The following CLVS1 variants were observed in gnomAD, a reference collection of about 807,000 sequenced individuals.
The protein encoded by CLVS1 is clavesin 1, also known as clavesin-1.
A neutral mutation model predicts 33.1 loss-of-function variants in CLVS1; 10 were observed. The observed-to-expected ratio is 0.30, with a 90% CI of 0.19 to 0.51. The LOEUF is 0.51. Among genes scored for constraint, CLVS1 ranks in the 20% least tolerant of loss-of-function variants. The pLI, the probability that CLVS1 is intolerant of heterozygous loss-of-function variation, is 0.97. For missense variants in CLVS1, 343 were observed against 433.4 expected (o/e 0.79, Z 1.85); for synonymous variants, 163 against 166.1 (o/e 0.98, Z 0.14).
chr8:61,162,212 A>C (rs1470252467), intron 2 of CLVS1, among the ~76,000 whole-genome samples: 1 of 152,194 alleles, frequency 6.6e-6, no homozygotes, highest in Non-Finnish European at 1.5e-5. Context: ...CTTCTCCCCT[A>C]TGAAGAAGAT....
intron 2 of CLVS1, among the ~76,000 whole-genome samples, chr8:61,211,078 G>T (rs1453995905): frequency 2.0e-5 from 3 of 152,188 alleles, no homozygotes; most frequent in African/African-American, 7.2e-5. Flanking sequence ...CATGTACAAT[G>T]CAGTGAAGAG....
chr8:61,013,278 G>T, the CLVS1 span, among the ~76,000 whole-genome samples: 1 of 152,172 alleles, frequency 6.6e-6, no homozygotes. Flanking sequence ...AAATAAAGAT[G>T]GAGAGAGCAG....
upstream of CLVS1, among the ~76,000 whole-genome samples, chr8:61,055,376 C>A (rs563430890): frequency 1.3e-5 from 2 of 152,160 alleles, no homozygotes; most frequent in African/African-American, 4.8e-5. Flanking sequence ...TCTGGCAGGC[C>A]GTGGTTGTTT....
chr8:61,308,290 A>G (rs1186919491), intron 2 of CLVS1, among the ~76,000 whole-genome samples: 4 of 152,158 alleles, frequency 2.6e-5, no homozygotes, highest in African/African-American at 9.7e-5. Flanking sequence ...AAGCAATATG[A>G]CTCATCAATG....
intron 5 of CLVS1, among the ~76,000 whole-genome samples, chr8:61,473,725 G>T (rs1817815875): frequency 6.6e-6 from 1 of 152,176 alleles, no homozygotes; most frequent in African/African-American, 2.4e-5. Flanking sequence ...AAGATCTGAT[G>T]ATCAAGTGGA....
chr8:61,286,294 C>A (rs1377341901), upstream of CLVS1, among the ~76,000 whole-genome samples: 1 of 152,210 alleles, frequency 6.6e-6, no homozygotes, highest in South Asian at 2.1e-4. Flanking sequence ...TGTGGGCAAG[C>A]CTCAGGATAT....
At chr8:61,021,550 C>T in the CLVS1 span, among the ~76,000 whole-genome samples, 12 of 147,654 alleles carry the variant, frequency 8.1e-5, no homozygotes, top group African/African-American at 2.5e-4. Flanking sequence ...TTAGTAGAGA[C>T]GGGGTTTCAC....
chr8:60,978,981 AGAGGAGTCACC>A, the CLVS1 span, among the ~76,000 whole-genome samples: 1 of 152,172 alleles, frequency 6.6e-6, no homozygotes, highest in South Asian at 2.1e-4. Flanking sequence ...AGCCTGTGTG[AGAGGAGTCACC>A]TACATACTCT....
At chr8:61,457,719 AT>A (rs902967778) in intron 4 of CLVS1, among the ~76,000 whole-genome samples, 1 of 152,156 alleles carries the variant, frequency 6.6e-6, no homozygotes, top group Non-Finnish European at 1.5e-5. Context: ...TTCTCTAGAT[AT>A]TTTCCCCCGT....
intron 3 of CLVS1, among the ~76,000 whole-genome samples, chr8:61,447,178 A>T (rs988154850): frequency 2.0e-5 from 3 of 152,072 alleles, no homozygotes; most frequent in Non-Finnish European, 4.4e-5. Context: ...TGAGAGAGTG[A>T]TATTCAAGTC....
intron 2 of CLVS1, among the ~76,000 whole-genome samples, chr8:61,189,688 C>G (rs1807424614): frequency 6.6e-6 from 1 of 151,800 alleles, no homozygotes; most frequent in Admixed American, 6.6e-5. Context: ...ATCTACCAAG[C>G]CAATGGAAAA....
At chr8:61,396,064 T>C (rs770603682) in intron 3 of CLVS1, among the ~76,000 whole-genome samples, 10 of 152,218 alleles carry the variant, frequency 6.6e-5, no homozygotes, top group Non-Finnish European at 1.5e-4. Flanking sequence ...ATTTATTCTT[T>C]TTATGTACAT....
intron 5 of CLVS1, among the ~76,000 whole-genome samples, chr8:61,467,789 T>A (rs1211391675): frequency 6.6e-6 from 1 of 152,192 alleles, no homozygotes; most frequent in African/African-American, 2.4e-5. Context: ...GTAAACATTC[T>A]CCACAAAAAG....
At chr8:61,408,713 TG>T (rs1815094519) in intron 3 of CLVS1, among the ~76,000 whole-genome samples, 1 of 152,224 alleles carries the variant, frequency 6.6e-6, no homozygotes, top group Admixed American at 6.5e-5. Context: ...TTAAAATACC[TG>T]GAACTCCCAG....
intron 2 of CLVS1, among the ~76,000 whole-genome samples, chr8:61,255,528 G>A (rs1809059824): frequency 1.3e-5 from 2 of 152,110 alleles, no homozygotes; most frequent in African/African-American, 4.8e-5. Flanking sequence ...AAACCAGTAA[G>A]CAAAGGTATA....
intron 2 of CLVS1, among the ~76,000 whole-genome samples, chr8:61,270,191 A>G (rs1193251988): frequency 6.6e-6 from 1 of 152,190 alleles, no homozygotes; most frequent in Non-Finnish European, 1.5e-5. Context: ...ACGTCCCATC[A>G]GTACCTAATT....
chr8:61,206,443 A>G (rs1381157190), intron 2 of CLVS1, among the ~76,000 whole-genome samples: 7 of 152,188 alleles, frequency 4.6e-5, no homozygotes, highest in African/African-American at 1.7e-4. Context: ...TCCAGTCTCT[A>G]CTAATTAATA....
At chr8:60,990,298 T>A in the CLVS1 span, among the ~76,000 whole-genome samples, 1 of 152,130 alleles carries the variant, frequency 6.6e-6, no homozygotes, top group Non-Finnish European at 1.5e-5. Flanking sequence ...GAGGTCTGAT[T>A]ATGGTCTGGA....
chr8:61,331,272 T>C (rs1211008292), intron 2 of CLVS1, among the ~76,000 whole-genome samples: 1 of 152,164 alleles, frequency 6.6e-6, no homozygotes, highest in Non-Finnish European at 1.5e-5. Flanking sequence ...TGTTTTTTTC[T>C]GGAGCCTTTC....
Sources: allele counts gnomAD v4.1 joint callset (sites outside exome capture counted in the v4.1 genomes callset), GRCh38; gene constraint gnomAD v4.1.1; transcripts MANE v1.5; gene names NCBI Gene and HGNC (gene_info 2026-07-23, HGNC 2026-07-21).